Variants in PRIMA1 observed in about 807,000 individuals in gnomAD.
PRIMA1 encodes proline rich membrane anchor 1, also known as proline-rich membrane anchor 1.
A neutral mutation model predicts 17.5 loss-of-function variants in PRIMA1; 7 were observed. The observed-to-expected ratio is 0.40, with a 90% CI of 0.23 to 0.75. PRIMA1 has a LOEUF of 0.75. PRIMA1 is among the 30% of genes least tolerant of loss of function. The pLI is 0.37. For missense variants in PRIMA1, 200 were observed against 201.8 expected (o/e 0.99, Z 0.05); for synonymous variants, 97 against 77.9 (o/e 1.25, Z -1.29).
intron 3 of PRIMA1, among the ~76,000 whole-genome samples, chr14:93,748,111 T>A (rs939032972): frequency 6.6e-6 from 1 of 151,916 alleles, no homozygotes; most frequent in Non-Finnish European, 1.5e-5. Context: ...AATGTGTATG[T>A]GTGTGAATGA....
At chr14:93,773,389 C>A (rs181055835) in intron 3 of PRIMA1, among the ~76,000 whole-genome samples, 1 of 152,198 alleles carries the variant, frequency 6.6e-6, no homozygotes, top group South Asian at 2.1e-4. Context: ...TGTGCTCCTA[C>A]GACCAACAGC....
At chr14:93,752,936 T>C (rs773877978) in intron 3 of PRIMA1, among the ~76,000 whole-genome samples, 12 of 152,330 alleles carry the variant, frequency 7.9e-5, no homozygotes, top group South Asian at 2.1e-4. Context: ...TTCTTTATGG[T>C]TGGGGCTGTC....
rs543921952 is a variant in PRIMA1, at chr14:93,765,569, G to T, written c.229+13607C>A. Among the ~76,000 whole-genome samples the T allele has an allele frequency of 1.2e-3, 179 of 151,668 alleles. 1 individual carries two copies. The highest frequency in any genetic ancestry group is 3.5e-3 in the African/African-American group (145 of 41,328). ...TCATCAGCCCGAGGAGGAAAAGGAGGTCTACACGAGGGCAAAGCTCCTTTC... is the reference window on the plus strand; with the variant it reads ...TCATCAGCCCGAGGAGGAAAAGGAGTTCTACACGAGGGCAAAGCTCCTTTC... On this transcript the variant is annotated intron_variant, in intron 3 of 4. Coordinates refer to ENST00000393140, the MANE Select transcript of PRIMA1 (RefSeq NM_178013.4).
At chr14:93,787,903 C>A (rs1885573037) in intron 1 of PRIMA1, 154 bp from the exon 2 acceptor site, 4 of 784,612 alleles carry the variant, frequency 5.1e-6, no homozygotes, top group Non-Finnish European at 7.9e-6. Flanking sequence ...CAGCTTACAC[C>A]TTCACTGACT....
At chr14:93,777,977 G>C (rs1885270063) in intron 3 of PRIMA1, among the ~76,000 whole-genome samples, 1 of 152,250 alleles carries the variant, frequency 6.6e-6, no homozygotes, top group Non-Finnish European at 1.5e-5. Flanking sequence ...GGAGAGGAGT[G>C]ATCTCCAAGA....
intron 3 of PRIMA1, among the ~76,000 whole-genome samples, chr14:93,743,081 C>T (rs2141165473): frequency 6.6e-6 from 1 of 152,288 alleles, no homozygotes; most frequent in South Asian, 2.1e-4. Flanking sequence ...AATAGGAATG[C>T]CGTCTGAGTC....
chr14:93,753,505 C>T (rs2076272850), intron 3 of PRIMA1, among the ~76,000 whole-genome samples: 1 of 152,140 alleles, frequency 6.6e-6, no homozygotes, highest in African/African-American at 2.4e-5. Context: ...CTCTGGCCTT[C>T]TCTGATTGCT....
intron 3 of PRIMA1, among the ~76,000 whole-genome samples, chr14:93,756,538 C>T (rs114628458): frequency 0.02 from 3,004 of 152,202 alleles, 108 homozygotes; most frequent in African/African-American, 0.068. Flanking sequence ...CCCCGGACCC[C>T]GACCCCGCCC....
At chr14:93,757,805 T>C (rs956359504) in intron 3 of PRIMA1, among the ~76,000 whole-genome samples, 4 of 152,170 alleles carry the variant, frequency 2.6e-5, no homozygotes, top group African/African-American at 7.2e-5. Flanking sequence ...ACCTGGTAGC[T>C]CTTAATGCCA....
rs1324705515 is a variant in PRIMA1, at chr14:93,779,288, C to A, written c.117G>T (p.Lys39Asn). The change falls in exon 3 of 5, where the codon AAG becomes AAT. Residue 39 changes from lysine to asparagine, a missense_variant. Physicochemically the swap from Lys to Asn is moderately conservative, Grantham distance 94. Coordinates refer to ENST00000393140, the MANE Select transcript of PRIMA1 (RefSeq NM_178013.4). Reference sequence around the variant, plus strand: ...AGCTGTCAGTCACTTTGGAGCAGGACTTCTGGGGCTCACCATGCGTCACCT... The same window carrying A: ...AGCTGTCAGTCACTTTGGAGCAGGAATTCTGGGGCTCACCATGCGTCACCT... ...FVQVTHGEPQ[K>N]SCSKVTDSCR... The A allele has an allele frequency of 6.4e-7, 1 of 1,554,226 alleles. No individual in the cohort carries two copies. Among genetic ancestry groups the A allele is most frequent in the Non-Finnish European group, 8.7e-7 (1 of 1,155,512 alleles).
intron 3 of PRIMA1, among the ~76,000 whole-genome samples, chr14:93,760,987 A>G (rs1421822985): frequency 6.6e-6 from 1 of 152,090 alleles, no homozygotes; most frequent in Non-Finnish European, 1.5e-5. Context: ...CTTAAGAAGC[A>G]AATCTGTAAG....
intron 3 of PRIMA1, among the ~76,000 whole-genome samples, chr14:93,760,851 T>G (rs1017913387): frequency 2.6e-5 from 4 of 150,966 alleles, no homozygotes; most frequent in Non-Finnish European, 5.9e-5. Context: ...CCCCCTCCAT[T>G]GCTGCCCCAG....
Position 93,723,120 on chromosome 14 carries a change from T to C in PRIMA1, c.360-1574A>G, listed in dbSNP as rs554134789. ...GGCTCTGGCCCCCAGCCTGAGTGTCTGTATCCTCCTGGTCTAAGCCACATG... is the reference window on the plus strand; with the variant it reads ...GGCTCTGGCCCCCAGCCTGAGTGTCCGTATCCTCCTGGTCTAAGCCACATG... On this transcript the variant is annotated intron_variant, in intron 4 of 4. Coordinates refer to ENST00000393140, the MANE Select transcript of PRIMA1 (RefSeq NM_178013.4). Among the ~76,000 whole-genome samples, 3 of 152,186 alleles carry C rather than the reference T, an allele frequency of 2.0e-5. No individual in the cohort carries two copies. In the East Asian group the frequency reaches 5.8e-4, roughly 29 times the overall value.
chr14:93,735,854 T>TA (rs1415813239), intron 4 of PRIMA1, among the ~76,000 whole-genome samples: 2 of 152,136 alleles, frequency 1.3e-5, no homozygotes, highest in African/African-American at 4.8e-5. Flanking sequence ...CATGACCTGC[T>TA]AATTTTGTAT....
chr14:93,738,802 G>A (rs1345106257), intron 3 of PRIMA1, among the ~76,000 whole-genome samples: 1 of 152,170 alleles, frequency 6.6e-6, no homozygotes, highest in Non-Finnish European at 1.5e-5. Flanking sequence ...CCCAGAAAGT[G>A]TCCCCGTGCC....
chr14:93,722,035 GGTGGTGGT>G (rs1420167659), intron 4 of PRIMA1, among the ~76,000 whole-genome samples: 11 of 59,826 alleles, frequency 1.8e-4, no homozygotes, highest in Admixed American at 6.5e-4. Context: ...GTAATGGGGT[GGTGGTGGT>G]AGTGGTGATG....
intron 4 of PRIMA1, among the ~76,000 whole-genome samples, chr14:93,734,505 G>A (rs1005912186): frequency 6.6e-6 from 1 of 152,132 alleles, no homozygotes; most frequent in African/African-American, 2.4e-5. Flanking sequence ...CTAGTTTCCC[G>A]CTTGCCTGTC....
intron 4 of PRIMA1, among the ~76,000 whole-genome samples, chr14:93,732,397 C>G (rs1220669977): frequency 6.6e-6 from 1 of 152,230 alleles, no homozygotes; most frequent in Non-Finnish European, 1.5e-5. Flanking sequence ...GGAGCTTTAT[C>G]TTGATGACTC....
At chr14:93,741,672 C>T (rs1595198777) in intron 3 of PRIMA1, among the ~76,000 whole-genome samples, 3 of 152,158 alleles carry the variant, frequency 2.0e-5, no homozygotes, top group Admixed American at 1.3e-4. Flanking sequence ...AAGAGGCACG[C>T]ATGAATTGCT....
Sources: gnomAD v4.1 joint callset for allele counts (sites outside exome capture counted in the v4.1 genomes callset) on GRCh38, gnomAD v4.1.1 for gene constraint, MANE v1.5 for transcripts, NCBI Gene and HGNC (gene_info 2026-07-23, HGNC 2026-07-21) for gene names.